CGGBP1: variants seen among roughly 807,000 people sequenced by gnomAD.
CGGBP1 encodes the protein CGG triplet repeat binding protein 1.
In CGGBP1, 4 loss-of-function variants were observed where a neutral mutation model predicts 11.4. That is an observed-to-expected ratio of 0.35 (90% CI 0.17 to 0.80). The LOEUF is 0.80. CGGBP1 is among the 30% of genes least tolerant of loss of function. The pLI is 0.52. For missense variants in CGGBP1, 135 were observed against 202.1 expected (o/e 0.67, Z 2.01); for synonymous variants, 76 against 74.1 (o/e 1.03, Z -0.13).
At position 88,055,809 on chromosome 3, in the gene CGGBP1, A is replaced by G; in HGVS notation, c.168T>C (p.Ser56=). ...CNVVLNHVRK[S]AISDHLKSKT... ...TTGACTTGAGGTGGTCACTAATGGC[A>G]GACTTGCGAACATGATTCAGAACCA... The change falls in exon 4 of 4, where the codon TCT becomes TCC. Residue 56 remains serine (S), a synonymous_variant. Transcript: ENST00000482016. The surrounding 1 kb of genome is among the most constrained non-coding windows in gnomAD (Gnocchi z 4.2). The G allele has an allele frequency of 6.2e-7, 1 of 1,614,202 alleles. No individual in the cohort carries two copies. Among genetic ancestry groups the G allele is most frequent in the Admixed American group, 1.7e-5 (1 of 60,026 alleles).
upstream of CGGBP1, among the ~76,000 whole-genome samples, chr3:88,059,838 TTA>T (rs1706749850): frequency 6.6e-6 from 1 of 152,170 alleles, no homozygotes; most frequent in Non-Finnish European, 1.5e-5. Context: ...CCCGCCTTTC[TTA>T]TGTTTCCTAC....
At position 88,106,609 on chromosome 3, in the gene CGGBP1, C is replaced by T. The variant is rs141884034; in HGVS notation, c.-229+34361G>A. On this transcript the variant is annotated intron_variant, in intron 2 of 3. Coordinates refer to the CGGBP1 transcript ENST00000462901. ...CCACCCACCTCGGCCTCCCAGAGTG[C>T]TGGGATTACAGGTGTGAGCCACTGG... is the stretch of plus-strand genomic sequence containing the variant. Among the ~76,000 whole-genome samples, 87 of 152,314 alleles carry T rather than the reference C, an allele frequency of 5.7e-4. No individual in the cohort carries two copies. In the East Asian group the frequency reaches 0.014, roughly 25 times the overall value.
intron 1 of CGGBP1, chr3:88,141,727 T>C: frequency 8.3e-7 from 1 of 1,206,492 alleles, no homozygotes; most frequent in Non-Finnish European, 1.1e-6. Flanking sequence ...CATCATCAGT[T>C]TGCTATTTCC....
intron 2 of CGGBP1, among the ~76,000 whole-genome samples, chr3:88,079,685 T>C (rs1272250750): frequency 6.6e-6 from 1 of 152,038 alleles, no homozygotes; most frequent in Admixed American, 6.5e-5. Context: ...AGATTCCTTT[T>C]AACAGTATGA....
At chr3:88,124,164 G>A (rs372729025) in intron 2 of CGGBP1, among the ~76,000 whole-genome samples, 134 of 152,248 alleles carry the variant, frequency 8.8e-4, no homozygotes, top group African/African-American at 3.1e-3. Flanking sequence ...TCTTTTGAGC[G>A]CTTACTAGGT....
At chr3:88,140,010 G>C (rs1477027791) in intron 2 of CGGBP1, 12 of 1,613,702 alleles carry the variant, frequency 7.4e-6, no homozygotes, top group Non-Finnish European at 9.3e-6. Context: ...GCGACAAACA[G>C]TAATGAAGTG....
intron 2 of CGGBP1, chr3:88,095,701 G>T: frequency 7.5e-6 from 3 of 401,060 alleles, no homozygotes; most frequent in East Asian, 8.7e-5. Context: ...TTGAGAAATT[G>T]GATTTCTTTG....
chr3:88,056,525 G>GA (rs1165765955), intron 3 of CGGBP1: 1 of 63,870 alleles, frequency 1.6e-5, no homozygotes, highest in Non-Finnish European at 4.3e-5. Flanking sequence ...TTGTTCTGAG[G>GA]AAAAACCACA....
At chr3:88,142,498 T>G (rs1707180370) in intron 1 of CGGBP1, 1 of 152,382 alleles carries the variant, frequency 6.6e-6, no homozygotes, top group African/African-American at 2.4e-5. Context: ...TGCAAATTAT[T>G]CAATGTGAAT....
chr3:88,115,347 G>GT lies in CGGBP1; in HGVS notation c.-229+25622dup, dbSNP rs1388880459. Among the ~76,000 whole-genome samples, 3 of 152,308 alleles carry GT rather than the reference G, an allele frequency of 2.0e-5. No individual in the cohort carries two copies. In the South Asian group the frequency reaches 6.2e-4, roughly 32 times the overall value. ...GCTTACACTGTGTCATCCTGGGCAA[G>GT]TTTCATAATTTCTGTACCAGTTTCT... On this transcript the variant is annotated intron_variant, in intron 2 of 3. Coordinates refer to the CGGBP1 transcript ENST00000462901.
chr3:88,064,043 A>G (rs1353367914), upstream of CGGBP1, among the ~76,000 whole-genome samples: 1 of 151,824 alleles, frequency 6.6e-6, no homozygotes, highest in African/African-American at 2.4e-5. Context: ...TTTGATCAAC[A>G]CATGCCTATG....
At chr3:88,064,046 T>C (rs1239370127), upstream of CGGBP1, among the ~76,000 whole-genome samples, 1 of 152,122 alleles carries the variant, frequency 6.6e-6, no homozygotes, top group Non-Finnish European at 1.5e-5. Flanking sequence ...GATCAACACA[T>C]GCCTATGATT....
intron 2 of CGGBP1, among the ~76,000 whole-genome samples, chr3:88,104,731 C>G (rs1704629366): frequency 6.6e-6 from 1 of 152,142 alleles, no homozygotes; most frequent in African/African-American, 2.4e-5. Context: ...TAAATGGAAT[C>G]TTAAAATTGC....
chr3:88,111,405 C>A (rs1409440358), intron 2 of CGGBP1, among the ~76,000 whole-genome samples: 1 of 151,780 alleles, frequency 6.6e-6, no homozygotes, highest in Non-Finnish European at 1.5e-5. Flanking sequence ...GTTCCCCCAC[C>A]CCCTGACCCC....
In CGGBP1 at chr3:88,139,189, C is replaced by T. The variant is rs193026684; in HGVS notation, c.-229+1781G>A. On this transcript the variant is annotated intron_variant, in intron 2 of 3. Transcript: ENST00000462901. ...TTTGACTCTCTTACAGATCAGAGCA[C>T]TGGAGAGACTGATCCTGATGATGTA... The T allele has an allele frequency of 2.2e-3, 3,238 of 1,445,608 alleles. 5 individuals are homozygous for T. Among genetic ancestry groups the T allele is most frequent in the Non-Finnish European group, 2.7e-3 (3,009 of 1,100,662 alleles). 89.5% of individuals were successfully genotyped at this position (1,445,608 alleles called of 1,614,324 possible).
chr3:88,092,360 ATAT>A (rs1703792170), intron 2 of CGGBP1, among the ~76,000 whole-genome samples: 1 of 152,228 alleles, frequency 6.6e-6, no homozygotes, highest in African/African-American at 2.4e-5. Flanking sequence ...GAGCTAAGAG[ATAT>A]TATATTAAAC....
intron 2 of CGGBP1, among the ~76,000 whole-genome samples, chr3:88,123,750 G>C (rs1333765896): frequency 6.6e-6 from 1 of 152,148 alleles, no homozygotes; most frequent in Non-Finnish European, 1.5e-5. Context: ...GATTGTCCCA[G>C]GACTGAGCAG....
upstream of CGGBP1, among the ~76,000 whole-genome samples, chr3:88,061,525 C>G (rs1290401770): frequency 6.6e-6 from 1 of 152,082 alleles, no homozygotes; most frequent in Non-Finnish European, 1.5e-5. Flanking sequence ...TTTTATAATA[C>G]TCTAGGTTAC....
intron 1 of CGGBP1, among the ~76,000 whole-genome samples, chr3:88,145,297 T>G (rs1324540220): frequency 6.6e-6 from 1 of 152,090 alleles, no homozygotes; most frequent in African/African-American, 2.4e-5. Context: ...GGAAAAAAAC[T>G]TTTGATGTGA....
Sources: allele counts gnomAD v4.1 joint callset (sites outside exome capture counted in the v4.1 genomes callset), GRCh38; gene constraint gnomAD v4.1.1; non-coding constraint Gnocchi (gnomAD v3.1); transcripts MANE v1.5; gene names NCBI Gene and HGNC (gene_info 2026-07-23, HGNC 2026-07-21).